The following ASAH2 variants were observed in gnomAD, a reference collection of about 807,000 sequenced individuals.
ASAH2 encodes N-acylsphingosine amidohydrolase 2.
Under a neutral mutation model 82.9 loss-of-function variants are expected in ASAH2, and 58 were observed. That is an observed-to-expected ratio of 0.70 (90% CI 0.57 to 0.87). The LOEUF (loss-of-function observed/expected upper bound fraction) is 0.87, where lower values mean the gene tolerates loss of function less well. Among genes scored for constraint, ASAH2 ranks in the 40% least tolerant of loss-of-function variants. The pLI is 0.00. For missense variants in ASAH2, 779 were observed against 834.0 expected (o/e 0.93, Z 0.81); for synonymous variants, 276 against 289.7 (o/e 0.95, Z 0.48).
intron 1 of ASAH2, 50 bp from the exon 2 acceptor site, chr10:50,248,696 G>T (rs557619605): frequency 1.4e-6 from 2 of 1,394,620 alleles, no homozygotes; most frequent in East Asian, 2.5e-5. Context: ...TAAGCCAACC[G>T]AGGTTAAGAT....
At chr10:50,207,261 T>A (rs1845324840) in intron 12 of ASAH2, among the ~76,000 whole-genome samples, 1 of 151,676 alleles carries the variant, frequency 6.6e-6, no homozygotes, top group Non-Finnish European at 1.5e-5. Flanking sequence ...AACTTCCACT[T>A]GAAGATATTG....
In ASAH2 at chr10:50,212,955, C is replaced by T. The variant is rs1488223229; in HGVS notation, c.1227+17G>A. Reference sequence around the variant, plus strand: ...CAATTTTAAACAAAGATTAAAGGAGCGAGGCCCATGGCTTACCTTTGCTCT... The same window carrying T: ...CAATTTTAAACAAAGATTAAAGGAGTGAGGCCCATGGCTTACCTTTGCTCT... On this transcript the variant is annotated intron_variant, in intron 10 of 20. Coordinates refer to ENST00000682911, the MANE Select transcript of ASAH2 (RefSeq NM_019893.4). The T allele has an allele frequency of 1.1e-5, 17 of 1,606,424 alleles. No homozygotes were observed. The highest frequency in any genetic ancestry group is 1.7e-4 in the Middle Eastern group (1 of 6,058).
chr10:50,242,953 T>C (rs1242714785), intron 4 of ASAH2, among the ~76,000 whole-genome samples: 1 of 152,134 alleles, frequency 6.6e-6, no homozygotes, highest in African/African-American at 2.4e-5. Flanking sequence ...AACAAAAACA[T>C]TAGCATTAAT....
chr10:50,210,565 C>A (rs974778392), intron 12 of ASAH2, among the ~76,000 whole-genome samples: 11 of 151,630 alleles, frequency 7.3e-5, no homozygotes, highest in South Asian at 2.1e-4. Context: ...TGAAAGAAGC[C>A]AACAAAAAAT....
intron 3 of ASAH2, among the ~76,000 whole-genome samples, chr10:50,244,949 C>T (rs1279223353): frequency 6.6e-6 from 1 of 151,582 alleles, no homozygotes; most frequent in East Asian, 1.9e-4. Context: ...ATTTAAGGTG[C>T]CTGCTCACCC....
intron 18 of ASAH2, among the ~76,000 whole-genome samples, chr10:50,196,119 GT>G (rs1471943668): frequency 2.0e-5 from 3 of 151,608 alleles, no homozygotes; most frequent in Admixed American, 6.6e-5. Flanking sequence ...CATTCCCCAT[GT>G]ATACATATTT....
rs1360074042 is a variant in ASAH2 at position 50,206,058 on chromosome 10, T to C, written c.1454A>G (p.Asp485Gly). The C allele has an allele frequency of 1.6e-5, 25 of 1,612,576 alleles. No individual in the cohort carries two copies. In the South Asian group the frequency reaches 2.6e-4, roughly 17 times the overall value. The change falls in exon 13 of 21, where the codon GAC becomes GGC. Residue 485 changes from aspartate to glycine, a missense_variant. Around this residue, in one of 3 missense-constraint regions of ASAH2, gnomAD observed 759 missense variants for 755.2 expected, o/e 1.00. Transcript: ENST00000682911. The part of the protein sequence containing the change: ...EGDPFWDTIR[D>G]QILGKPSEEI... ...TTCAGATGGCTTTCCCAGGATCTGGTCCCGAATGGTGTCCCAAAATGGATC... is the reference window on the plus strand; with the variant it reads ...TTCAGATGGCTTTCCCAGGATCTGGCCCCGAATGGTGTCCCAAAATGGATC...
intron 16 of ASAH2, among the ~76,000 whole-genome samples, chr10:50,201,392 A>G (rs1845143914): frequency 6.6e-6 from 1 of 152,084 alleles, no homozygotes; most frequent in Non-Finnish European, 1.5e-5. Flanking sequence ...CTGGAGTAGC[A>G]GGCACCCATA....
intron 7 of ASAH2, among the ~76,000 whole-genome samples, chr10:50,230,013 C>A (rs1229503118): frequency 6.6e-6 from 1 of 152,106 alleles, no homozygotes; most frequent in East Asian, 1.9e-4. Context: ...CCATAATAAT[C>A]TCTGTGTGGA....
intron 15 of ASAH2, among the ~76,000 whole-genome samples, chr10:50,203,329 A>ATTCCC (rs1845207932): frequency 6.6e-6 from 1 of 152,062 alleles, no homozygotes; most frequent in Admixed American, 6.6e-5. Context: ...CCAAAATGTA[A>ATTCCC]TACATTTTAT....
chr10:50,204,799 G>A (rs1156635793), intron 14 of ASAH2, 62 bp downstream of exon 14: 3 of 1,234,064 alleles, frequency 2.4e-6, no homozygotes, highest in Non-Finnish European at 3.5e-6. Flanking sequence ...ATGATAAGAA[G>A]CAATTCCAAC....
chr10:50,216,753 C>T (rs1033241979), intron 8 of ASAH2, among the ~76,000 whole-genome samples: 1 of 152,170 alleles, frequency 6.6e-6, no homozygotes, highest in Non-Finnish European at 1.5e-5. Context: ...CCTTAAATGG[C>T]TCTAATTTTC....
rs143484494 is a variant in ASAH2 at position 50,248,081 on chromosome 10, A to T, written c.127+403T>A. ...GACCCCTTTCTCTAAAGCTCTTCAC[A>T]GACTAATTGACATTCATTCAGTGAG... On this transcript the variant is annotated intron_variant, in intron 2 of 20. Transcript: ENST00000682911. Among the ~76,000 whole-genome samples, 48 of 152,326 alleles carry T rather than the reference A, an allele frequency of 3.2e-4. No homozygotes were observed. In the East Asian group the frequency reaches 6.0e-3, roughly 19 times the overall value.
chr10:50,194,064 C>T (rs1844910989), intron 18 of ASAH2, among the ~76,000 whole-genome samples: 4 of 151,268 alleles, frequency 2.6e-5, no homozygotes, highest in Admixed American at 2.0e-4. Context: ...GTCCATATGG[C>T]CTTGCTGGTC....
At position 50,243,344 on chromosome 10, in the gene ASAH2, T is replaced by C; in HGVS notation, c.368A>G (p.Tyr123Cys). 6.2e-7 allele frequency: 1 copy of C among 1,614,066 alleles called. No homozygotes were observed. The highest frequency in any genetic ancestry group is 2.2e-5 in the East Asian group (1 of 44,890). Reference sequence around the variant, plus strand: ...CTGTGCATTCTGGCCGGATTTGCCATAGCCCATCTAAAGAGGAAGAGACAA... The same window carrying C: ...CTGTGCATTCTGGCCGGATTTGCCACAGCCCATCTAAAGAGGAAGAGACAA... ...GQVADINLMG[Y>C]GKSGQNAQGI... Residue 123 changes from tyrosine (Y) to cysteine (C), a missense_variant, in exon 4 of 21, where the codon TAT becomes TGT. By Grantham distance (194) the Tyr-to-Cys change is radical (BLOSUM62 -2). Transcript: ENST00000682911.
At chr10:50,228,548 C>A (rs899571272) in intron 7 of ASAH2, among the ~76,000 whole-genome samples, 25 of 152,168 alleles carry the variant, frequency 1.6e-4, no homozygotes, top group African/African-American at 6.0e-4. Flanking sequence ...CAACTGAGTT[C>A]TGTAAGTCAA....
chr10:50,194,923 A>T (rs1366860776), intron 18 of ASAH2, among the ~76,000 whole-genome samples: 1 of 151,628 alleles, frequency 6.6e-6, no homozygotes, highest in Non-Finnish European at 1.5e-5. Context: ...ATAAAACCTG[A>T]AACTATAAAA....
intron 16 of ASAH2, among the ~76,000 whole-genome samples, chr10:50,201,185 C>A (rs1309500199): frequency 6.6e-6 from 1 of 152,054 alleles, no homozygotes; most frequent in Non-Finnish European, 1.5e-5. Context: ...GCTCCCCATT[C>A]ATCCCACGGA....
chr10:50,217,525 C>A (rs1224754029), intron 8 of ASAH2, among the ~76,000 whole-genome samples: 1 of 152,090 alleles, frequency 6.6e-6, no homozygotes, highest in Admixed American at 6.5e-5. Context: ...CTGCATTCGG[C>A]CTCCTCGTCT....
Sources: gnomAD v4.1 joint callset for allele counts (sites outside exome capture counted in the v4.1 genomes callset) on GRCh38, gnomAD v4.1.1 for gene constraint, gnomAD v4.1.1 regional missense constraint, MANE v1.5 for transcripts, NCBI Gene and HGNC (gene_info 2026-07-23, HGNC 2026-07-21) for gene names.